The following ARRDC3 variants were observed in gnomAD, a reference collection of about 807,000 sequenced individuals.
The protein encoded by ARRDC3 is arrestin domain-containing protein 3.
ARRDC3 carries 10 observed loss-of-function variants against 47.2 expected under a neutral mutation model. The observed-to-expected ratio is 0.21, with a 90% confidence interval of 0.13 to 0.36. The LOEUF (loss-of-function observed/expected upper bound fraction) is 0.36. ARRDC3 is among the 10% of genes least tolerant of loss of function. The pLI is 1.00. For missense variants in ARRDC3, 381 were observed against 503.6 expected (o/e 0.76, Z 2.33); for synonymous variants, 156 against 178.3 (o/e 0.87, Z 1.00).
intron 6 of ARRDC3, 47 bp downstream of exon 6, chr5:91,374,067 G>T (rs1799242788): frequency 1.3e-6 from 2 of 1,566,318 alleles, no homozygotes; most frequent in African/African-American, 1.4e-5. Context: ...TAATTTTCTT[G>T]ATAATAGTAG....
rs766288595 is a variant in ARRDC3 at position 91,375,048 on chromosome 5, A to G, written c.744T>C (p.Ala248=). 12 of 1,614,254 alleles carry G rather than the reference A, an allele frequency of 7.4e-6. 1 individual carries two copies. In the South Asian group the frequency reaches 1.3e-4, roughly 18 times the overall value. ...GKMKEVKQLV[A]NLRGESLSSG... is the part of the protein sequence containing the mutation. ...ATGATAAGGATTCCCCACGCAAGTT[A>G]GCCACAAGCTGTTTTACTTCCTTCA... Residue 248 remains alanine (A), a synonymous_variant, in exon 5 of 8, where the codon GCT becomes GCC. Coordinates refer to ENST00000265138, the MANE Select transcript of ARRDC3 (RefSeq NM_020801.4).
Position 91,373,807 on chromosome 5 carries a change from C to T in ARRDC3, c.1065G>A (p.Glu355=). Residue 355 remains glutamate, a synonymous_variant, in exon 7 of 8, where the codon GAG becomes GAA. Coordinates refer to ENST00000265138, the MANE Select transcript of ARRDC3 (RefSeq NM_020801.4). ...APPSYAEVVT[E]EQRRNNLAPV... is the part of the protein sequence containing the mutation. ...GTGCAAGATTGTTCCGCCTTTGTTC[C>T]TCTGTTACCACTTCTGCATAGCTGG... 1.9e-6 allele frequency: 3 copies of T among 1,614,038 alleles called. No homozygotes were observed. The highest frequency in any genetic ancestry group is 1.7e-6 in the Non-Finnish European group (2 of 1,179,938).
rs936501329 is a variant in ARRDC3, at chr5:91,371,276, G to A, written c.*124C>T. The A allele has an allele frequency of 1.6e-5, 12 of 773,448 alleles. No homozygotes were observed. The highest frequency in any genetic ancestry group is 1.2e-4 in the African/African-American group (7 of 57,096). 47.9% of individuals were successfully genotyped at this position (773,448 alleles called of 1,614,324 possible). Reference sequence around the variant, plus strand: ...TGATCACTGGTTGTTTCATGTATTCGCCATTTTTCTGGGCAAAAGTAATTC... The same window carrying A: ...TGATCACTGGTTGTTTCATGTATTCACCATTTTTCTGGGCAAAAGTAATTC... On this transcript the variant is annotated 3_prime_UTR_variant, in exon 8 of 8. Coordinates refer to ENST00000265138, the MANE Select transcript of ARRDC3 (RefSeq NM_020801.4).
chr5:91,378,102 C>T (rs971998499), intron 2 of ARRDC3, among the ~76,000 whole-genome samples: 1 of 151,898 alleles, frequency 6.6e-6, no homozygotes, highest in African/African-American at 2.4e-5. Flanking sequence ...TTACTAGATT[C>T]CAAGTTTTAT....
At chr5:91,373,260 A>G (rs529814055) in intron 7 of ARRDC3, among the ~76,000 whole-genome samples, 1 of 152,314 alleles carries the variant, frequency 6.6e-6, no homozygotes, top group South Asian at 2.1e-4. Flanking sequence ...ATGTTATCAC[A>G]AATACATTAT....
chr5:91,377,142 C>A (rs1441721946), intron 2 of ARRDC3, among the ~76,000 whole-genome samples: 1 of 152,180 alleles, frequency 6.6e-6, no homozygotes, highest in Non-Finnish European at 1.5e-5. Context: ...AAATTCTAGA[C>A]ACTGGTTAAA....
chr5:91,375,204 T>C, intron 4 of ARRDC3, 26 bp from the exon 5 acceptor site: 2 of 1,583,570 alleles, frequency 1.3e-6, no homozygotes, highest in Non-Finnish European at 1.7e-6. Context: ...TATATACATA[T>C]CTACTGTTAG....
rs1480051305 is a variant in ARRDC3 at position 91,369,609 on chromosome 5, C to T, written c.*1791G>A. 6.6e-6 allele frequency: 1 copy of T among 152,430 alleles called. No individual in the cohort carries two copies. The highest frequency in any genetic ancestry group is 2.4e-5 in the African/African-American group (1 of 41,388). The allele number at this position is 152,430 out of a possible 1,614,324, so 9.4% of individuals were successfully genotyped here. ...AGACAGTATTTAACCAGGTCAAGCA[C>T]CAAGCCAGAGCTACTATTATTTTCA... On this transcript the variant is annotated 3_prime_UTR_variant, in exon 8 of 8. Coordinates refer to ENST00000265138, the MANE Select transcript of ARRDC3 (RefSeq NM_020801.4).
At position 91,375,195 on chromosome 5, in the gene ARRDC3, A is replaced by T. The variant is rs759492828; in HGVS notation, c.614-17T>A. The T allele has an allele frequency of 1.9e-6, 3 of 1,607,394 alleles. No individual in the cohort carries two copies. In the Admixed American group the frequency reaches 5.0e-5, roughly 27 times the overall value. The stretch of plus-strand genomic sequence containing the variant: ...TTGATTCACCTAGAGAGGGAAAAAT[A>T]TATACATATCTACTGTTAGAAAAAA... On this transcript the variant is annotated splice_polypyrimidine_tract_variant and intron_variant, in intron 4 of 7. Transcript: ENST00000265138.
intron 3 of ARRDC3, among the ~76,000 whole-genome samples, 184 bp from the exon 4 acceptor site, chr5:91,375,797 CTT>C (rs1799287713): frequency 6.6e-6 from 1 of 151,592 alleles, no homozygotes; most frequent in Non-Finnish European, 1.5e-5. Flanking sequence ...TATACCATTA[CTT>C]TTATTTTCAT....
intron 2 of ARRDC3, among the ~76,000 whole-genome samples, chr5:91,377,202 TATC>T (rs1799323998): frequency 6.6e-6 from 1 of 152,192 alleles, no homozygotes; most frequent in Non-Finnish European, 1.5e-5. Context: ...AGCCGGGAAT[TATC>T]ATCTTTTAAT....
intron 1 of ARRDC3, among the ~76,000 whole-genome samples, chr5:91,381,679 T>C (rs986479521): frequency 3.9e-5 from 6 of 152,186 alleles, no homozygotes; most frequent in African/African-American, 1.4e-4. Context: ...GTAAAATATG[T>C]CTCTAATTTT....
At chr5:91,376,875 G>A in intron 2 of ARRDC3, 107 bp from the exon 3 acceptor site, 1 of 1,089,398 alleles carries the variant, frequency 9.2e-7, no homozygotes, top group Non-Finnish European at 1.2e-6. Context: ...ATGTTCCAAT[G>A]AGGTATCAAA....
At chr5:91,379,864 G>A (rs1178709663) in intron 1 of ARRDC3, 1 of 152,032 alleles carries the variant, frequency 6.6e-6, no homozygotes, top group African/African-American at 2.4e-5. Flanking sequence ...GGGGAAAAAA[G>A]CATGTATACG....
chr5:91,373,576 T>G (rs1202439208), intron 7 of ARRDC3, 108 bp downstream of exon 7: 1 of 1,107,766 alleles, frequency 9.0e-7, no homozygotes. Flanking sequence ...AATTATTTGT[T>G]CTGTTAACAT....
chr5:91,379,034 A>G (rs1458843007), intron 1 of ARRDC3, among the ~76,000 whole-genome samples: 1 of 152,158 alleles, frequency 6.6e-6, no homozygotes, highest in African/African-American at 2.4e-5. Context: ...CTAATGGAAA[A>G]TGACCCAAAC....
chr5:91,383,195 A>C lies in ARRDC3; in HGVS notation c.-103T>G. 2 of 1,086,696 alleles carry C rather than the reference A, an allele frequency of 1.8e-6. No individual in the cohort carries two copies. Among genetic ancestry groups the C allele is most frequent in the Non-Finnish European group, 2.6e-6 (2 of 773,220 alleles). The allele number at this position is 1,086,696 out of a possible 1,614,324, so 67.3% of individuals were successfully genotyped here. On this transcript the variant is annotated 5_prime_UTR_variant, in exon 1 of 8. Transcript: ENST00000265138. ...CACTGATCGATATTTTTGCCGTGCA[A>C]AATGCTTGCAGGCCGGATCAGTGAT...
At chr5:91,372,455 C>T (rs1799199235) in intron 7 of ARRDC3, among the ~76,000 whole-genome samples, 1 of 152,024 alleles carries the variant, frequency 6.6e-6, no homozygotes, top group Admixed American at 6.6e-5. Context: ...TTTAAAATGC[C>T]TCCTTGGACA....
chr5:91,380,941 T>C (rs939349747), intron 1 of ARRDC3: 2 of 152,130 alleles, frequency 1.3e-5, no homozygotes, highest in African/African-American at 4.8e-5. Context: ...ACGGGCTGGG[T>C]GGGGGTCGCT....
Sources: gnomAD v4.1 joint callset for allele counts (sites outside exome capture counted in the v4.1 genomes callset) on GRCh38, gnomAD v4.1.1 for gene constraint, MANE v1.5 for transcripts, NCBI Gene and HGNC (gene_info 2026-07-23, HGNC 2026-07-21) for gene names.